Variants in WDR70 observed in about 807,000 individuals in gnomAD.
WDR70 encodes the protein WD repeat domain 70.
WDR70 carries 53 observed loss-of-function variants against 88.6 expected under a neutral mutation model. The ratio of observed to expected loss-of-function variants is 0.60; its 90% CI spans 0.48 to 0.75. The LOEUF is 0.75. Among genes scored for constraint, WDR70 ranks in the 30% least tolerant of loss-of-function variants. The pLI, the probability that WDR70 is intolerant of heterozygous loss-of-function variation, is 0.00. For synonymous variants in WDR70, 280 were observed against 270.0 expected, an observed-to-expected ratio of 1.04 and a Z score of -0.36; for missense variants, 610 against 823.2, an observed-to-expected ratio of 0.74 and a Z score of 3.17.
intron 10 of WDR70, among the ~76,000 whole-genome samples, chr5:37,625,376 T>A (rs889453095): frequency 3.3e-5 from 5 of 152,194 alleles, no homozygotes; most frequent in Non-Finnish European, 7.3e-5. Context: ...TTATTCTAAC[T>A]GGAATGAGAT....
At chr5:37,443,617 C>T (rs1292684122) in intron 7 of WDR70, among the ~76,000 whole-genome samples, 2 of 152,146 alleles carry the variant, frequency 1.3e-5, no homozygotes, top group African/African-American at 4.8e-5. Context: ...CTTTAGAAAG[C>T]CGAGGCAGGC....
intron 7 of WDR70, among the ~76,000 whole-genome samples, chr5:37,473,177 A>C (rs1739378569): frequency 6.7e-6 from 1 of 149,496 alleles, no homozygotes; most frequent in Admixed American, 6.6e-5. Flanking sequence ...GAGCACTTGA[A>C]TATATTTTGT....
intron 8 of WDR70, among the ~76,000 whole-genome samples, chr5:37,507,508 C>A (rs1036809001): frequency 6.6e-6 from 1 of 152,084 alleles, no homozygotes; most frequent in Non-Finnish European, 1.5e-5. Flanking sequence ...TTATCTTCCC[C>A]CCTCCCCTGC....
intron 7 of WDR70, among the ~76,000 whole-genome samples, chr5:37,455,243 CTTTTTTTTTT>C (rs544303522): frequency 8.1e-6 from 1 of 123,116 alleles, no homozygotes; most frequent in African/African-American, 2.9e-5. Context: ...TTCTTTCTTT[CTTTTTTTTTT>C]TTTTTTTTTG....
Position 37,518,680 on chromosome 5 carries a change from CTT to C in WDR70, c.917+2108_917+2109del, listed in dbSNP as rs35818980. ...GCAACCAACGTGGGAGCACAGATAT[CTT>C]TTTTTTTTTTTTTTTTTAGTATTTA... On this transcript the variant is annotated intron_variant, in intron 9 of 17. Transcript: ENST00000265107. Among the ~76,000 whole-genome samples the C allele has an allele frequency of 1.3e-3, 161 of 123,694 alleles. 1 individual carries two copies. Among genetic ancestry groups the C allele is most frequent in the South Asian group, 0.012 (45 of 3,616 alleles). 81.1% of individuals were successfully genotyped at this position (123,694 alleles called of 152,430 possible).
At chr5:37,638,810 G>T (rs1408235748) in intron 10 of WDR70, among the ~76,000 whole-genome samples, 1 of 152,108 alleles carries the variant, frequency 6.6e-6, no homozygotes, top group Non-Finnish European at 1.5e-5. Flanking sequence ...TGGCTGATTT[G>T]CTTAGAAGGA....
At chr5:37,622,248 G>T (rs898716403) in intron 10 of WDR70, among the ~76,000 whole-genome samples, 2 of 152,036 alleles carry the variant, frequency 1.3e-5, no homozygotes, top group African/African-American at 4.8e-5. Flanking sequence ...AACAACAGGT[G>T]CTGGAGAGGA....
chr5:37,528,911 T>TTG (rs1554147301), intron 9 of WDR70, among the ~76,000 whole-genome samples: 12 of 149,724 alleles, frequency 8.0e-5, no homozygotes, highest in Non-Finnish European at 8.9e-5. Context: ...AGAGGGGGTT[T>TTG]TTTTTTTTTT....
intron 17 of WDR70, among the ~76,000 whole-genome samples, chr5:37,734,737 A>C (rs1236846083): frequency 6.6e-6 from 1 of 152,116 alleles, no homozygotes; most frequent in East Asian, 1.9e-4. Context: ...TGAGCCATGC[A>C]AATACCTAGG....
intron 10 of WDR70, among the ~76,000 whole-genome samples, chr5:37,685,342 G>T (rs1166204895): frequency 6.6e-6 from 1 of 152,114 alleles, no homozygotes; most frequent in African/African-American, 2.4e-5. Context: ...GGGGGAAGCT[G>T]CAGTGAGGGG....
chr5:37,713,528 C>G (rs1024753569), intron 13 of WDR70, among the ~76,000 whole-genome samples: 1 of 151,790 alleles, frequency 6.6e-6, no homozygotes, highest in African/African-American at 2.4e-5. Flanking sequence ...CTTGTGTAGA[C>G]ATGATTGCCA....
At chr5:37,752,249 T>G (rs1581550645) in intron 17 of WDR70, among the ~76,000 whole-genome samples, 1 of 152,176 alleles carries the variant, frequency 6.6e-6, no homozygotes, top group African/African-American at 2.4e-5. Flanking sequence ...GAAAGAACAG[T>G]GTGTATGTAC....
chr5:37,627,219 G>C (rs1744693523), intron 10 of WDR70, among the ~76,000 whole-genome samples: 2 of 152,166 alleles, frequency 1.3e-5, no homozygotes, highest in South Asian at 4.2e-4. Context: ...CACCTGAGTA[G>C]CTGGGACTAC....
intron 8 of WDR70, among the ~76,000 whole-genome samples, chr5:37,512,145 T>A (rs1740739320): frequency 6.6e-6 from 1 of 152,216 alleles, no homozygotes; most frequent in Non-Finnish European, 1.5e-5. Context: ...GGCTTGTGGC[T>A]ATATAACTCC....
intron 5 of WDR70, among the ~76,000 whole-genome samples, chr5:37,428,613 T>G (rs1750208245): frequency 1.3e-5 from 2 of 152,246 alleles, no homozygotes; most frequent in South Asian, 4.1e-4. Context: ...CTTTGTTCAT[T>G]TTTATTGCTA....
chr5:37,749,966 A>G (rs575291897), intron 17 of WDR70, among the ~76,000 whole-genome samples: 1 of 152,136 alleles, frequency 6.6e-6, no homozygotes, highest in East Asian at 1.9e-4. Flanking sequence ...TTTATTTTCT[A>G]CCAATTTGTT....
At chr5:37,729,404 A>C (rs1259665052) in intron 17 of WDR70, among the ~76,000 whole-genome samples, 3 of 152,296 alleles carry the variant, frequency 2.0e-5, no homozygotes, top group African/African-American at 7.2e-5. Context: ...ATCAATCTGT[A>C]GTTATATTTG....
intron 9 of WDR70, among the ~76,000 whole-genome samples, chr5:37,549,252 T>G (rs907310291): frequency 6.6e-6 from 1 of 152,218 alleles, no homozygotes; most frequent in Non-Finnish European, 1.5e-5. Flanking sequence ...ACAATATTGA[T>G]TCTTCTAATC....
chr5:37,578,713 T>A (rs541646094), intron 9 of WDR70, among the ~76,000 whole-genome samples: 1 of 152,244 alleles, frequency 6.6e-6, no homozygotes, highest in Non-Finnish European at 1.5e-5. Context: ...GACTCTGTTC[T>A]CAAAGAGTTC....
Sources: gnomAD v4.1 joint callset for allele counts (sites outside exome capture counted in the v4.1 genomes callset) on GRCh38, gnomAD v4.1.1 for gene constraint, MANE v1.5 for transcripts, NCBI Gene and HGNC (gene_info 2026-07-23, HGNC 2026-07-21) for gene names.